Variants in PHTF1 observed in about 807,000 individuals in gnomAD.
PHTF1 encodes putative homeodomain transcription factor 1, also known as protein PHTF1.
A neutral mutation model predicts 102.4 loss-of-function variants in PHTF1; 88 were observed. That is an observed-to-expected ratio of 0.86 (90% CI 0.72 to 1.03). The LOEUF (loss-of-function observed/expected upper bound fraction) is 1.03. PHTF1 is among the 50% of genes least tolerant of loss of function. The probability of loss-of-function intolerance (pLI) is 0.00; values close to 1 mark genes in which losing one functional copy is unlikely to be tolerated. For synonymous variants in PHTF1, 289 were observed against 305.2 expected (o/e 0.95, Z 0.55); for missense variants, 814 against 909.5 (o/e 0.89, Z 1.35).
At chr1:113,757,884 T>C (rs762525959) in intron 2 of PHTF1, 129 bp from the exon 3 acceptor site, 2 of 646,904 alleles carry the variant, frequency 3.1e-6, no homozygotes, top group Non-Finnish European at 5.6e-6. Context: ...TTCTCAAAAG[T>C]TAGAATAAAT....
intron 7 of PHTF1, among the ~76,000 whole-genome samples, chr1:113,721,522 A>G (rs1652936104): frequency 6.6e-6 from 1 of 152,234 alleles, no homozygotes; most frequent in Non-Finnish European, 1.5e-5. Flanking sequence ...ATCAGACAAG[A>G]GACAGAAATG....
chr1:113,721,047 G>A (rs1318839051), intron 7 of PHTF1, among the ~76,000 whole-genome samples: 1 of 152,230 alleles, frequency 6.6e-6, no homozygotes, highest in Non-Finnish European at 1.5e-5. Flanking sequence ...AGAGTTTGCA[G>A]TGAGCCAAGA....
chr1:113,743,989 A>T (rs1000893358), intron 3 of PHTF1, among the ~76,000 whole-genome samples: 1 of 152,208 alleles, frequency 6.6e-6, no homozygotes, highest in African/African-American at 2.4e-5. Flanking sequence ...ATGCATCCCT[A>T]ATCAAAGTAG....
At chr1:113,738,828 C>G in intron 3 of PHTF1, 29 bp from the exon 4 acceptor site, 1 of 1,435,826 alleles carries the variant, frequency 7.0e-7, no homozygotes, top group African/African-American at 1.4e-5. Flanking sequence ...AAAATAAAAT[C>G]AGAAATAAAG....
rs1649840436 is a variant in PHTF1 at position 113,704,571 on chromosome 1, C to G, written c.1803+95G>C. On this transcript the variant is annotated intron_variant, in intron 14 of 18. Transcript: ENST00000369604. Reference sequence around the variant, plus strand: ...TCAGCTGCTGCTATAATCTGCCTGACACCCAGAACTACACTGTCTACTGAG... The same window carrying G: ...TCAGCTGCTGCTATAATCTGCCTGAGACCCAGAACTACACTGTCTACTGAG... 13 of 845,452 alleles carry G rather than the reference C, an allele frequency of 1.5e-5. No homozygotes were observed. The South Asian group carries it at 2.4e-4, about 16-fold the overall frequency. The allele number at this position is 845,452 out of a possible 1,614,324, so 52.4% of individuals were successfully genotyped here.
At chr1:113,752,676 G>A (rs1297044335) in intron 3 of PHTF1, among the ~76,000 whole-genome samples, 5 of 152,056 alleles carry the variant, frequency 3.3e-5, no homozygotes, top group African/African-American at 4.8e-5. Flanking sequence ...GAGCCACTGC[G>A]CCCAGCCTAC....
At chr1:113,759,628 C>T (rs1659431032), upstream of PHTF1, 2 of 152,316 alleles carry the variant, frequency 1.3e-5, no homozygotes, top group South Asian at 4.1e-4. Flanking sequence ...GTCCGAGGGC[C>T]TGGGGAGTCG....
At chr1:113,729,723 C>T (rs1445317447) in intron 5 of PHTF1, among the ~76,000 whole-genome samples, 1 of 152,134 alleles carries the variant, frequency 6.6e-6, no homozygotes, top group African/African-American at 2.4e-5. Context: ...CTGCTGGTCA[C>T]ACCAAAAAGA....
At chr1:113,714,985 TG>T (rs1651756193) in intron 7 of PHTF1, 1 of 152,306 alleles carries the variant, frequency 6.6e-6, no homozygotes, top group African/African-American at 2.4e-5. Flanking sequence ...AGTCTCTCCC[TG>T]GTAATCCAGA....
intron 7 of PHTF1, among the ~76,000 whole-genome samples, chr1:113,724,317 GA>G (rs1456284817): frequency 6.6e-6 from 1 of 152,074 alleles, no homozygotes; most frequent in African/African-American, 2.4e-5. Flanking sequence ...GCTCATGCCT[GA>G]GGCCTGAGGT....
At chr1:113,754,142 G>A (rs967916101) in intron 3 of PHTF1, among the ~76,000 whole-genome samples, 6 of 152,148 alleles carry the variant, frequency 3.9e-5, no homozygotes, top group Admixed American at 2.0e-4. Context: ...TGGGCAGAGC[G>A]TCTCATGCCT....
chr1:113,707,084 T>C (rs1650329850), intron 11 of PHTF1, among the ~76,000 whole-genome samples: 1 of 152,082 alleles, frequency 6.6e-6, no homozygotes, highest in East Asian at 1.9e-4. Context: ...AGATAGTCCA[T>C]GATCTCCAAG....
intron 2 of PHTF1, 69 bp downstream of exon 2, chr1:113,758,587 CATT>C (rs1466268662): frequency 3.7e-6 from 3 of 809,874 alleles, no homozygotes; most frequent in African/African-American, 3.7e-5. Context: ...GGGAAAGTAA[CATT>C]ATATTATTTG....
rs372754134 is a variant in PHTF1, at chr1:113,713,405, C to T, written c.657G>A (p.Gly219=). Residue 219 remains glycine (G), a synonymous_variant, in exon 8 of 19, where the codon GGG becomes GGA. Transcript: ENST00000369604. ...AACTTGGGTCATTGTCAGTTTCAGT[C>T]CCTTTGTTAGATATTAATTTTACTC... ...IKRVKLISNK[G]TETDNDPSCV... 12 of 1,581,180 alleles carry T rather than the reference C, an allele frequency of 7.6e-6. No homozygotes were observed. Among genetic ancestry groups the T allele is most frequent in the South Asian group, 2.2e-5 (2 of 89,710 alleles).
At chr1:113,719,994 C>T (rs1033120427) in intron 7 of PHTF1, among the ~76,000 whole-genome samples, 45 of 152,166 alleles carry the variant, frequency 3.0e-4, no homozygotes, top group African/African-American at 1.0e-3. Flanking sequence ...CCCATCAGAT[C>T]TTGTGAGACT....
rs1655831999 is a variant in PHTF1, at chr1:113,738,283, T to C, written c.173-15A>G. The C allele has an allele frequency of 2.5e-6, 4 of 1,608,118 alleles. No individual in the cohort carries two copies. In the South Asian group the frequency reaches 3.3e-5, roughly 13 times the overall value. ...AAATGTTGACCCTTTAAACATACAA[T>C]AAAACAAAACATCAAACATTTATAT... On this transcript the variant is annotated splice_polypyrimidine_tract_variant and intron_variant, in intron 4 of 18. Coordinates refer to ENST00000369604, the MANE Select transcript of PHTF1 (RefSeq NM_001323043.2).
intron 6 of PHTF1, among the ~76,000 whole-genome samples, chr1:113,726,193 T>C (rs1653805454): frequency 6.6e-6 from 1 of 152,208 alleles, no homozygotes; most frequent in Non-Finnish European, 1.5e-5. Context: ...ATTTTCCTTT[T>C]AAACAACTGT....
intron 7 of PHTF1, among the ~76,000 whole-genome samples, chr1:113,720,069 T>C (rs1319534559): frequency 1.3e-5 from 2 of 152,096 alleles, no homozygotes; most frequent in Admixed American, 6.5e-5. Context: ...TCCCCCTGGC[T>C]CCCTCCTGCA....
intron 7 of PHTF1, among the ~76,000 whole-genome samples, chr1:113,720,580 G>T (rs1031509473): frequency 6.6e-6 from 1 of 152,150 alleles, no homozygotes; most frequent in Non-Finnish European, 1.5e-5. Context: ...AAATTAAAAT[G>T]ATATCAAGTA....
Sources: allele counts gnomAD v4.1 joint callset (sites outside exome capture counted in the v4.1 genomes callset), GRCh38; gene constraint gnomAD v4.1.1; transcripts MANE v1.5; gene names NCBI Gene and HGNC (gene_info 2026-07-23, HGNC 2026-07-21).